The following PPP1R12B variants were observed in gnomAD, a reference collection of about 807,000 sequenced individuals.
The protein encoded by PPP1R12B is protein phosphatase 1 regulatory subunit 12B.
Under a neutral mutation model 126.1 loss-of-function variants are expected in PPP1R12B, and 76 were observed. The ratio of observed to expected loss-of-function variants is 0.60; its 90% CI spans 0.50 to 0.73. The LOEUF is 0.73. PPP1R12B is among the 30% of genes least tolerant of loss of function. PPP1R12B has a pLI of 0.00. For missense variants in PPP1R12B, 1,052 were observed against 1,205.1 expected (o/e 0.87, Z 1.88); for synonymous variants, 356 against 434.7 (o/e 0.82, Z 2.25).
intron 21 of PPP1R12B, among the ~76,000 whole-genome samples, chr1:202,566,643 TAAC>T (rs892245560): frequency 2.0e-5 from 3 of 152,200 alleles, no homozygotes; most frequent in African/African-American, 7.2e-5. Flanking sequence ...ACGAGGATAT[TAAC>T]AAGCTGTAGG....
intron 21 of PPP1R12B, among the ~76,000 whole-genome samples, chr1:202,566,929 T>A (rs1441443379): frequency 6.6e-6 from 1 of 152,244 alleles, no homozygotes; most frequent in Non-Finnish European, 1.5e-5. Flanking sequence ...AAATGTCTAC[T>A]GAATGTAAGA....
At chr1:202,388,291 C>T (rs1399682325) in intron 1 of PPP1R12B, among the ~76,000 whole-genome samples, 1 of 152,202 alleles carries the variant, frequency 6.6e-6, no homozygotes, top group Non-Finnish European at 1.5e-5. Flanking sequence ...TCAAGCGATT[C>T]TTCTGCCTCA....
At chr1:202,377,067 A>G (rs560944642) in intron 1 of PPP1R12B, among the ~76,000 whole-genome samples, 1 of 152,334 alleles carries the variant, frequency 6.6e-6, no homozygotes, top group Non-Finnish European at 1.5e-5. Flanking sequence ...CAAGGAAGCC[A>G]AAAGATTGGA....
chr1:202,377,366 G>A (rs1412270948), intron 1 of PPP1R12B, among the ~76,000 whole-genome samples: 1 of 151,344 alleles, frequency 6.6e-6, no homozygotes, highest in Non-Finnish European at 1.5e-5. Context: ...TCAGTGGCGT[G>A]ATCTCGACTC....
At chr1:202,353,080 T>C (rs182898190) in intron 1 of PPP1R12B, among the ~76,000 whole-genome samples, 12 of 152,162 alleles carry the variant, frequency 7.9e-5, no homozygotes, top group Non-Finnish European at 1.6e-4. Flanking sequence ...GAGATGGAGA[T>C]AGGAACAAGT....
intron 18 of PPP1R12B, among the ~76,000 whole-genome samples, chr1:202,535,898 C>T (rs952126541): frequency 6.6e-6 from 1 of 152,198 alleles, no homozygotes; most frequent in Non-Finnish European, 1.5e-5. Flanking sequence ...AGAAAGAGCT[C>T]ACATTCAACT....
chr1:202,545,858 T>C (rs1685600543), intron 18 of PPP1R12B, among the ~76,000 whole-genome samples: 1 of 152,124 alleles, frequency 6.6e-6, no homozygotes, highest in African/African-American at 2.4e-5. Context: ...GAGCTGCATA[T>C]CGGTGTGGCT....
At chr1:202,374,485 G>GTC (rs1315393497) in intron 1 of PPP1R12B, among the ~76,000 whole-genome samples, 16 of 112,804 alleles carry the variant, frequency 1.4e-4, no homozygotes, top group Admixed American at 3.4e-4. Context: ...GCTTTCATTT[G>GTC]TCTCTCTCTT....
intron 1 of PPP1R12B, among the ~76,000 whole-genome samples, chr1:202,354,789 A>AG (rs1430041905): frequency 6.7e-6 from 1 of 149,600 alleles, no homozygotes; most frequent in Non-Finnish European, 1.5e-5. Context: ...CTGGGATTAC[A>AG]GGGGGGTGAC....
intron 18 of PPP1R12B, chr1:202,539,871 A>G (rs1167706244): frequency 3.2e-6 from 1 of 317,254 alleles, no homozygotes; most frequent in Non-Finnish European, 5.7e-6. Context: ...TCAGCACAAT[A>G]CCCTCTACGG....
chr1:202,556,927 A>G (rs1256783051), intron 18 of PPP1R12B, among the ~76,000 whole-genome samples: 2 of 152,236 alleles, frequency 1.3e-5, no homozygotes, highest in African/African-American at 4.8e-5. Flanking sequence ...AGGTCTTCTC[A>G]CAAAGCTAAT....
chr1:202,427,380 C>T (rs994297068), intron 5 of PPP1R12B, among the ~76,000 whole-genome samples, 196 bp downstream of exon 5: 6 of 152,080 alleles, frequency 3.9e-5, no homozygotes, highest in Non-Finnish European at 8.8e-5. Context: ...AATAAAACTC[C>T]GTGGACCTTC....
chr1:202,569,165 C>T lies in PPP1R12B; in HGVS notation c.2830C>T (p.Arg944Cys), dbSNP rs764825772. 53 of 1,613,330 alleles carry T rather than the reference C, an allele frequency of 3.3e-5. No homozygotes were observed. Among genetic ancestry groups the T allele is most frequent in the South Asian group, 2.1e-4 (19 of 91,046 alleles). ...GAAACAGGAGAGGCGAGCCTTGGAG[C>T]GCAAAATGTCAGAAATGGAGGAAGA... ...MEKRERRALE[R>C]KMSEMEEEMK... The change falls in exon 23 of 24, where the codon CGC becomes TGC. Residue 944 changes from arginine to cysteine, a missense_variant. Transcript: ENST00000608999.
At chr1:202,436,970 A>G (rs1256180261) in intron 9 of PPP1R12B, among the ~76,000 whole-genome samples, 1 of 152,162 alleles carries the variant, frequency 6.6e-6, no homozygotes, top group East Asian at 1.9e-4. Context: ...ATTTGAGTGG[A>G]GTGGCGTCTA....
At chr1:202,497,779 G>A (rs1679742350) in intron 18 of PPP1R12B, among the ~76,000 whole-genome samples, 2 of 152,168 alleles carry the variant, frequency 1.3e-5, no homozygotes, top group Non-Finnish European at 2.9e-5. Flanking sequence ...AGTATATAGA[G>A]GTTCCTTGGG....
At position 202,452,594 on chromosome 1, in the gene PPP1R12B, G is replaced by A. The variant is rs1357284043; in HGVS notation, c.1850+3423G>A. On this transcript the variant is annotated intron_variant, in intron 13 of 23. Coordinates refer to ENST00000608999, the MANE Select transcript of PPP1R12B (RefSeq NM_002481.4). Reference sequence around the variant, plus strand: ...CGGGAGAGGAGGAGGGGGAGGGGGAGAGGGAGAGGGAGAAGGGGGTTTACT... The same window carrying A: ...CGGGAGAGGAGGAGGGGGAGGGGGAAAGGGAGAGGGAGAAGGGGGTTTACT... Among the ~76,000 whole-genome samples the A allele has an allele frequency of 5.9e-5, 9 of 152,108 alleles. No homozygotes were observed. The East Asian group carries it at 1.7e-3, about 29-fold the overall frequency.
intron 18 of PPP1R12B, among the ~76,000 whole-genome samples, chr1:202,546,021 G>T (rs1277245504): frequency 6.6e-6 from 1 of 152,202 alleles, no homozygotes; most frequent in Non-Finnish European, 1.5e-5. Context: ...TAAAGTTGCT[G>T]TGCTCAGAAT....
At chr1:202,481,762 A>G (rs1572216604) in intron 13 of PPP1R12B, among the ~76,000 whole-genome samples, 1 of 152,250 alleles carries the variant, frequency 6.6e-6, no homozygotes, top group East Asian at 1.9e-4. Flanking sequence ...CCTATTTTGT[A>G]ATATACAATA....
At position 202,586,211 on chromosome 1, in the gene PPP1R12B, A is replaced by G. The variant is rs1689801645; in HGVS notation, c.*5651A>G. 6.6e-6 allele frequency: 1 copy of G among 152,290 alleles called. No homozygotes were observed. The highest frequency in any genetic ancestry group is 2.1e-4 in the South Asian group (1 of 4,836). The allele number at this position is 152,290 out of a possible 1,614,324, so 9.4% of individuals were successfully genotyped here. On this transcript the variant is annotated 3_prime_UTR_variant, in exon 24 of 24. Transcript: ENST00000608999. The stretch of plus-strand genomic sequence containing the variant: ...CCCAGAGTCCACACAACCATATTGC[A>G]TAGAACAGCACTTGGCTTTCACAAG...
Sources: allele counts gnomAD v4.1 joint callset (sites outside exome capture counted in the v4.1 genomes callset), GRCh38; gene constraint gnomAD v4.1.1; transcripts MANE v1.5; gene names NCBI Gene and HGNC (gene_info 2026-07-23, HGNC 2026-07-21).